The following NRXN1 variants were observed in gnomAD, a reference collection of about 807,000 sequenced individuals.
NRXN1 encodes neurexin-1.
Under a neutral mutation model 150.9 loss-of-function variants are expected in NRXN1, and 39 were observed. That is an observed-to-expected ratio of 0.26 (90% CI 0.20 to 0.34). The LOEUF is 0.34. Among genes scored for constraint, NRXN1 ranks in the 10% least tolerant of loss-of-function variants. NRXN1 has a pLI of 1.00. For missense variants in NRXN1, 1,815 were observed against 1,949.9 expected (o/e 0.93, Z 1.30); for synonymous variants, 924 against 757.0 (o/e 1.22, Z -3.62).
chr2:50,013,209 G>A (rs973464649), intron 21 of NRXN1, among the ~76,000 whole-genome samples: 1 of 150,524 alleles, frequency 6.6e-6, no homozygotes, highest in Non-Finnish European at 1.5e-5. Flanking sequence ...CAAGAAGAAG[G>A]AGATTTGTAA....
In NRXN1 at chr2:50,800,118, C is replaced by T. The variant is rs183463187; in HGVS notation, c.832+121751G>A. Reference sequence around the variant, plus strand: ...CTCTTTGGCCTCTAAGCAGGAATAACGCACTGTTTTAATCTTGTCATTTTA... The same window carrying T: ...CTCTTTGGCCTCTAAGCAGGAATAATGCACTGTTTTAATCTTGTCATTTTA... On this transcript the variant is annotated intron_variant, in intron 5 of 22. Coordinates refer to ENST00000401669, the MANE Select transcript of NRXN1 (RefSeq NM_001330078.2). Among the ~76,000 whole-genome samples the T allele has an allele frequency of 2.4e-4, 37 of 152,264 alleles. No homozygotes were observed. The East Asian group carries it at 5.6e-3, about 23-fold the overall frequency.
chr2:50,761,500 G>A (rs1282729098), intron 5 of NRXN1, among the ~76,000 whole-genome samples: 4 of 151,908 alleles, frequency 2.6e-5, no homozygotes, highest in Admixed American at 1.3e-4. Context: ...TGATTGTGAG[G>A]CCTCCCAGCC....
chr2:50,228,781 G>A (rs1181284003), intron 18 of NRXN1, among the ~76,000 whole-genome samples: 1 of 151,908 alleles, frequency 6.6e-6, no homozygotes, highest in African/African-American at 2.4e-5. Flanking sequence ...TAAAATTCCA[G>A]GAAGAGCCCA....
chr2:50,799,576 G>A (rs1440675525), intron 5 of NRXN1, among the ~76,000 whole-genome samples: 2 of 152,150 alleles, frequency 1.3e-5, no homozygotes, highest in South Asian at 2.1e-4. Context: ...GAAACCGTAC[G>A]TCGAGTACCC....
intron 17 of NRXN1, among the ~76,000 whole-genome samples, chr2:50,277,382 G>GTCCGTCCTTCCTTCCTTCCT (rs2070652433): frequency 1.5e-5 from 2 of 132,060 alleles, no homozygotes; most frequent in African/African-American, 5.7e-5. Context: ...AAAAAGGTCC[G>GTCCGTCCTTCCTTCCTTCCT]TCCTTCCTTC....
In NRXN1 at chr2:50,537,092, T is replaced by G. The variant is rs575314591; in HGVS notation, c.2143+1161A>C. Reference sequence around the variant, plus strand: ...CTAATAAGTTGATGTACCTCCTTTTTAAGATAAATAACCAAAATCAGGTTT... The same window carrying G: ...CTAATAAGTTGATGTACCTCCTTTTGAAGATAAATAACCAAAATCAGGTTT... On this transcript the variant is annotated intron_variant, in intron 10 of 22. Transcript: ENST00000401669. Among the ~76,000 whole-genome samples, 5 of 152,288 alleles carry G rather than the reference T, an allele frequency of 3.3e-5. No homozygotes were observed. In the East Asian group the frequency reaches 7.7e-4, roughly 24 times the overall value.
At chr2:50,324,910 G>T (rs1056657750) in intron 17 of NRXN1, among the ~76,000 whole-genome samples, 2 of 152,176 alleles carry the variant, frequency 1.3e-5, no homozygotes, top group African/African-American at 2.4e-5. Flanking sequence ...GACCCTGCAA[G>T]AATAGTTTCT....
chr2:50,278,296 A>T (rs1179330722), intron 17 of NRXN1, among the ~76,000 whole-genome samples: 34 of 72,092 alleles, frequency 4.7e-4, no homozygotes, highest in African/African-American at 1.5e-3. Context: ...ATACATATAT[A>T]ATATATATTT....
At chr2:50,957,514 G>A (rs1231815811) in intron 2 of NRXN1, among the ~76,000 whole-genome samples, 1 of 151,990 alleles carries the variant, frequency 6.6e-6, no homozygotes, top group Non-Finnish European at 1.5e-5. Flanking sequence ...AATTTACCCA[G>A]CACAGAATGC....
chr2:50,053,310 G>A lies in NRXN1; in HGVS notation c.4089C>T (p.Ala1363=). ...ETTTTLATST[A]RRGKPPTKEP... ...CTTTTGTCGGGGGCTTTCCTCTTCTGGCTGTGCTAGTAGCCAGGGTCGTGG... is the reference window on the plus strand; with the variant it reads ...CTTTTGTCGGGGGCTTTCCTCTTCTAGCTGTGCTAGTAGCCAGGGTCGTGG... The change falls in exon 21 of 23, where the codon GCC becomes GCT. Residue 1363 remains alanine (A), a synonymous_variant. Transcript: ENST00000401669. 2.5e-6 allele frequency: 4 copies of A among 1,613,942 alleles called. No homozygotes were observed. The highest frequency in any genetic ancestry group is 2.5e-6 in the Non-Finnish European group (3 of 1,179,882).
Position 50,790,851 on chromosome 2 carries a change from T to C in NRXN1, c.832+131018A>G, listed in dbSNP as rs371135761. Among the ~76,000 whole-genome samples, 7 of 152,154 alleles carry C rather than the reference T, an allele frequency of 4.6e-5. 1 individual carries two copies. In the East Asian group the frequency reaches 5.8e-4, roughly 13 times the overall value. ...GCTGAATAAACTGTGTATTGTGTGC[T>C]TGTATTTTGACCGCAACTCATCACA... is the stretch of plus-strand genomic sequence containing the variant. On this transcript the variant is annotated intron_variant, in intron 5 of 22. Transcript: ENST00000401669.
At chr2:50,884,064 G>A (rs1237519819) in intron 5 of NRXN1, among the ~76,000 whole-genome samples, 1 of 151,486 alleles carries the variant, frequency 6.6e-6, no homozygotes, top group African/African-American at 2.4e-5. Context: ...AAGTTAAGAA[G>A]GTAAATATAA....
intron 18 of NRXN1, among the ~76,000 whole-genome samples, chr2:50,145,696 G>A (rs1707915149): frequency 6.6e-6 from 1 of 151,408 alleles, no homozygotes; most frequent in Admixed American, 6.6e-5. Context: ...TCATCTTTTT[G>A]GTCTACCTTT....
intron 17 of NRXN1, among the ~76,000 whole-genome samples, chr2:50,447,737 T>TTTTTTATATATATATA (rs1208594855): frequency 5.3e-5 from 2 of 37,934 alleles, no homozygotes; most frequent in African/African-American, 1.6e-4. Flanking sequence ...CAGGGGAACG[T>TTTTTTATATATATATA]TATATATATA....
intron 18 of NRXN1, among the ~76,000 whole-genome samples, chr2:50,225,887 C>T (rs1257824375): frequency 6.6e-6 from 1 of 151,898 alleles, no homozygotes; most frequent in Non-Finnish European, 1.5e-5. Flanking sequence ...ATTTATTTAA[C>T]TAGAGAAAAT....
chr2:51,012,410 T>G (rs1280439212), intron 2 of NRXN1, among the ~76,000 whole-genome samples: 1 of 152,050 alleles, frequency 6.6e-6, no homozygotes. Flanking sequence ...AGGTATACCA[T>G]TGGACTTGCA....
chr2:50,602,156 C>T (rs773590800), intron 8 of NRXN1, among the ~76,000 whole-genome samples: 4 of 152,002 alleles, frequency 2.6e-5, no homozygotes, highest in Non-Finnish European at 5.9e-5. Context: ...TAATGGAATC[C>T]ATAGGATTTC....
chr2:50,702,332 A>G (rs1410139661), intron 5 of NRXN1, among the ~76,000 whole-genome samples: 1 of 138,848 alleles, frequency 7.2e-6, no homozygotes, highest in Non-Finnish European at 1.5e-5. Context: ...GCAAAAGACC[A>G]TTTGTTTTTA....
intron 17 of NRXN1, among the ~76,000 whole-genome samples, chr2:50,353,105 A>G (rs898342380): frequency 6.6e-6 from 1 of 152,074 alleles, no homozygotes; most frequent in Admixed American, 6.6e-5. Flanking sequence ...GTGCAGTTTG[A>G]CTTGGAAACG....
Sources: gnomAD v4.1 joint callset for allele counts (sites outside exome capture counted in the v4.1 genomes callset) on GRCh38, gnomAD v4.1.1 for gene constraint, MANE v1.5 for transcripts, NCBI Gene and HGNC (gene_info 2026-07-23, HGNC 2026-07-21) for gene names.